The following CPE variants were observed in gnomAD, a reference collection of about 807,000 sequenced individuals.
CPE encodes the protein carbocypeptidase E.
In CPE, 17 loss-of-function variants were observed where a neutral mutation model predicts 53.5. That is an observed-to-expected ratio of 0.32 (90% confidence interval 0.22 to 0.48). The LOEUF (loss-of-function observed/expected upper bound fraction) is 0.48, where lower values mean the gene tolerates loss of function less well. Ranked by LOEUF, CPE falls within the 20% of genes least tolerant of loss-of-function variation. CPE has a pLI of 0.99. For synonymous variants in CPE, 226 were observed against 228.8 expected (o/e 0.99, Z 0.11); for missense variants, 524 against 614.7 (o/e 0.85, Z 1.56).
chr4:165,381,388 C>T (rs1730503318), intron 1 of CPE: 1 of 452,348 alleles, frequency 2.2e-6, no homozygotes, highest in Admixed American at 2.4e-5. Context: ...TGGAAAAATA[C>T]TGAATATGCA....
At chr4:165,386,156 A>G (rs757668878) in intron 1 of CPE, 11 of 476,664 alleles carry the variant, frequency 2.3e-5, no homozygotes, top group Non-Finnish European at 4.1e-5. Context: ...TGATGATTAA[A>G]TGAGGTGGTA....
Position 165,461,342 on chromosome 4 carries a change from T to TG in CPE, c.308-3047dup, listed in dbSNP as rs1347195541. ...GCATTATAGGGACGAGCCTCGTGGC[T>TG]GAAAGAAGGATGGCTGAAACACAGG... On this transcript the variant is annotated intron_variant, in intron 1 of 8. Coordinates refer to ENST00000402744, the MANE Select transcript of CPE (RefSeq NM_001873.4). Among the ~76,000 whole-genome samples, 21 of 152,056 alleles carry TG rather than the reference T, an allele frequency of 1.4e-4. No homozygotes were observed. The East Asian group carries it at 3.7e-3, about 27-fold the overall frequency.
intron 1 of CPE, among the ~76,000 whole-genome samples, chr4:165,399,010 G>A (rs2126660043): frequency 6.6e-6 from 1 of 152,278 alleles, no homozygotes; most frequent in African/African-American, 2.4e-5. Context: ...GGCTTTGACA[G>A]TAGGCATTAA....
intron 5 of CPE, among the ~76,000 whole-genome samples, chr4:165,485,762 G>A (rs868589673): frequency 1.3e-5 from 2 of 152,040 alleles, no homozygotes; most frequent in Non-Finnish European, 2.9e-5. Context: ...TAACGATTAC[G>A]TCTCGCTTAA....
At chr4:165,474,628 A>G (rs184005901) in intron 3 of CPE, among the ~76,000 whole-genome samples, 6 of 152,362 alleles carry the variant, frequency 3.9e-5, no homozygotes, top group Non-Finnish European at 7.3e-5. Flanking sequence ...GAGATACTAG[A>G]GTAAACAGTG....
intron 1 of CPE, among the ~76,000 whole-genome samples, chr4:165,435,011 A>AT (rs1330862104): frequency 6.6e-6 from 1 of 152,124 alleles, no homozygotes; most frequent in Non-Finnish European, 1.5e-5. Flanking sequence ...ATCTCTGCAC[A>AT]TGCTGGCTCC....
intron 1 of CPE, among the ~76,000 whole-genome samples, chr4:165,407,980 G>A (rs777737510): frequency 1.7e-4 from 26 of 151,962 alleles, no homozygotes; most frequent in Admixed American, 2.6e-4. Context: ...TGCACCTGGG[G>A]CTGTCTATTC....
At chr4:165,425,157 T>C (rs67904921) in intron 1 of CPE, among the ~76,000 whole-genome samples, 44,916 of 151,990 alleles carry the variant, frequency 0.3, 6,725 homozygotes, top group Middle Eastern at 0.39. Flanking sequence ...AGATTACCAG[T>C]GTGAGCTACT....
At position 165,400,848 on chromosome 4, in the gene CPE, C is replaced by G. The variant is rs1272504623; in HGVS notation, c.307+21320C>G. 1.6e-4 allele frequency among the ~76,000 whole-genome samples: 24 copies of G among 152,200 alleles called. 1 individual carries two copies. The highest frequency in any genetic ancestry group is 8.8e-5 in the Non-Finnish European group (6 of 68,032). ...CATTACTCTCTTCATATGGTTCTCA[C>G]AAAGGGCCACTACTGACTTCTTAAT... is the stretch of plus-strand genomic sequence containing the variant. On this transcript the variant is annotated intron_variant, in intron 1 of 8. Transcript: ENST00000402744.
At chr4:165,424,823 C>T (rs1045657885) in intron 1 of CPE, among the ~76,000 whole-genome samples, 1 of 151,902 alleles carries the variant, frequency 6.6e-6, no homozygotes, top group Non-Finnish European at 1.5e-5. Flanking sequence ...CGTGAGCCAC[C>T]GCGCCCGGCC....
intron 3 of CPE, among the ~76,000 whole-genome samples, chr4:165,468,768 C>T (rs1045199349): frequency 6.6e-6 from 1 of 152,188 alleles, no homozygotes; most frequent in African/African-American, 2.4e-5. Flanking sequence ...TCTATTCTAT[C>T]TTCTCAAATT....
intron 6 of CPE, among the ~76,000 whole-genome samples, chr4:165,490,639 A>G (rs1362612080): frequency 1.3e-5 from 2 of 151,050 alleles, no homozygotes; most frequent in Admixed American, 6.6e-5. Flanking sequence ...CAAAAAAAAA[A>G]AAAAAAAAAA....
At chr4:165,455,944 T>A (rs1434698365) in intron 1 of CPE, among the ~76,000 whole-genome samples, 1 of 152,170 alleles carries the variant, frequency 6.6e-6, no homozygotes, top group East Asian at 1.9e-4. Flanking sequence ...TGAGCCACCA[T>A]GCCTGGCCAC....
chr4:165,416,573 A>G (rs1400258123), intron 1 of CPE, among the ~76,000 whole-genome samples: 1 of 151,646 alleles, frequency 6.6e-6, no homozygotes, highest in Non-Finnish European at 1.5e-5. Flanking sequence ...AGAGGCCCCA[A>G]ACTCTGCTCA....
At chr4:165,465,777 G>T (rs917797751) in intron 2 of CPE, among the ~76,000 whole-genome samples, 1 of 152,044 alleles carries the variant, frequency 6.6e-6, no homozygotes, top group African/African-American at 2.4e-5. Context: ...AGGGAGACAT[G>T]TTATTAGTCT....
intron 1 of CPE, among the ~76,000 whole-genome samples, chr4:165,433,219 G>T (rs1330154983): frequency 6.6e-6 from 1 of 152,158 alleles, no homozygotes; most frequent in Non-Finnish European, 1.5e-5. Flanking sequence ...GAAAGGTAAT[G>T]GATTGGTTAA....
At chr4:165,477,825 G>A (rs1732330072) in intron 3 of CPE, among the ~76,000 whole-genome samples, 1 of 152,044 alleles carries the variant, frequency 6.6e-6, no homozygotes, top group Non-Finnish European at 1.5e-5. Flanking sequence ...GTTCATTCTT[G>A]CAAAGCCCTC....
rs1159913141 is a variant in CPE at position 165,475,694 on chromosome 4, A to G, written c.673-6548A>G. The stretch of plus-strand genomic sequence containing the variant: ...AATAGCCAACTTTAGTTGAAAAAGC[A>G]GAGGAAACCCCAGACATTGCAGTGT... On this transcript the variant is annotated intron_variant, in intron 3 of 8. Coordinates refer to ENST00000402744, the MANE Select transcript of CPE (RefSeq NM_001873.4). Among the ~76,000 whole-genome samples, 4 of 152,220 alleles carry G rather than the reference A, an allele frequency of 2.6e-5. No homozygotes were observed. The East Asian group carries it at 7.7e-4, about 29-fold the overall frequency.
chr4:165,463,645 G>A (rs1732048866), intron 1 of CPE, among the ~76,000 whole-genome samples: 1 of 152,228 alleles, frequency 6.6e-6, no homozygotes, highest in Admixed American at 6.5e-5. Flanking sequence ...CCCAGGCCAT[G>A]TAACTATGGA....
Sources: gnomAD v4.1 joint callset for allele counts (sites outside exome capture counted in the v4.1 genomes callset) on GRCh38, gnomAD v4.1.1 for gene constraint, MANE v1.5 for transcripts, NCBI Gene and HGNC (gene_info 2026-07-23, HGNC 2026-07-21) for gene names.